The following PIRT variants were observed in gnomAD, a reference collection of about 807,000 sequenced individuals.
The protein encoded by PIRT is phosphoinositide interacting regulator of transient receptor potential channels.
A neutral mutation model predicts 7.9 loss-of-function variants in PIRT; 6 were observed. The ratio of observed to expected loss-of-function variants is 0.76; its 90% CI spans 0.42 to 1.51. The LOEUF (loss-of-function observed/expected upper bound fraction) is 1.51, where lower values mean the gene tolerates loss of function less well. PIRT is among the 40% of genes most tolerant of loss of function. The pLI is 0.01. For missense variants in PIRT, 170 were observed against 172.9 expected, an observed-to-expected ratio of 0.98 and a Z score of 0.09; for synonymous variants, 78 against 71.8, an observed-to-expected ratio of 1.09 and a Z score of -0.44.
intron 1 of PIRT, among the ~76,000 whole-genome samples, chr17:10,830,926 A>G (rs1293938938): frequency 6.6e-6 from 1 of 152,234 alleles, no homozygotes. Context: ...AGATGCCAAC[A>G]GTACCTCTTC....
At position 10,827,472 on chromosome 17, in the gene PIRT, T is replaced by TTC. The variant is rs1206371680; in HGVS notation, c.-138-1690_-138-1689insGA. Among the ~76,000 whole-genome samples, 205 of 116,228 alleles carry TTC rather than the reference T, an allele frequency of 1.8e-3. 3 individuals are homozygous for TTC. Among genetic ancestry groups the TTC allele is most frequent in the African/African-American group, 7.8e-3 (185 of 23,574 alleles). 76.3% of individuals were successfully genotyped at this position (116,228 alleles called of 152,430 possible). On this transcript the variant is annotated intron_variant, in intron 1 of 1. Transcript: ENST00000580256. Reference sequence around the variant, plus strand: ...TTTCTTTCTTTTTCTTTTCTTTTTTTTTTTTTTTTTTTTTTTTTTGAAGTG... The same window carrying TTC: ...TTTCTTTCTTTTTCTTTTCTTTTTTTTCTTTTTTTTTTTTTTTTTTTGAAGTG...
intron 1 of PIRT, among the ~76,000 whole-genome samples, chr17:10,835,057 G>C (rs1206238755): frequency 6.6e-6 from 1 of 152,112 alleles, no homozygotes; most frequent in Admixed American, 6.6e-5. Context: ...CATGGAGGCA[G>C]CTGTGAAGGG....
intron 1 of PIRT, among the ~76,000 whole-genome samples, chr17:10,834,670 C>T (rs1905540279): frequency 6.6e-6 from 1 of 152,168 alleles, no homozygotes; most frequent in African/African-American, 2.4e-5. Context: ...CAGCTCACAG[C>T]AACCTCTGCC....
intron 1 of PIRT, among the ~76,000 whole-genome samples, chr17:10,826,775 G>T (rs117480209): frequency 3.7e-3 from 564 of 152,228 alleles, no homozygotes; most frequent in Non-Finnish European, 6.2e-3. Flanking sequence ...CACGTGCTCT[G>T]TCAGCAGAGG....
chr17:10,835,489 G>T (rs1272781510), intron 1 of PIRT, among the ~76,000 whole-genome samples: 2 of 152,242 alleles, frequency 1.3e-5, no homozygotes, highest in African/African-American at 4.8e-5. Context: ...CAGCCAGCCT[G>T]GCCCAGACTC....
At chr17:10,831,444 T>C (rs1264863339) in intron 1 of PIRT, among the ~76,000 whole-genome samples, 1 of 152,140 alleles carries the variant, frequency 6.6e-6, no homozygotes, top group Non-Finnish European at 1.5e-5. Context: ...GGCATCTTCC[T>C]TCTAAGAGAA....
intron 1 of PIRT, among the ~76,000 whole-genome samples, chr17:10,834,667 C>G (rs1289204885): frequency 6.6e-6 from 1 of 152,156 alleles, no homozygotes; most frequent in African/African-American, 2.4e-5. Flanking sequence ...TCTCAGCTCA[C>G]AGCAACCTCT....
In PIRT at chr17:10,825,238, AG is replaced by A. The variant is rs1271880692; in HGVS notation, c.407del (p.Thr136IlefsTer13). The A allele has an allele frequency of 3.1e-6, 5 of 1,613,428 alleles. No individual in the cohort carries two copies. Among genetic ancestry groups the A allele is most frequent in the Non-Finnish European group, 4.2e-6 (5 of 1,179,442 alleles). ...FLRSLKSFFL[T>X]R ...GGAGATGCGGAAACCACCATCAGCGAGTCAGGAAGAAGGACTTGAGGCTGCG... is the reference window on the plus strand; with the variant it reads ...GGAGATGCGGAAACCACCATCAGCGATCAGGAAGAAGGACTTGAGGCTGCG... On this transcript the variant is annotated frameshift_variant, in exon 2 of 2. Coordinates refer to ENST00000580256, the MANE Select transcript of PIRT (RefSeq NM_001101387.2). LOFTEE classifies it high-confidence loss of function.
intron 1 of PIRT, among the ~76,000 whole-genome samples, chr17:10,831,199 G>T (rs1905455118): frequency 1.3e-5 from 2 of 152,172 alleles, no homozygotes; most frequent in South Asian, 2.1e-4. Context: ...CAGGGGGCTG[G>T]TCCAGTGAGA....
In PIRT at chr17:10,825,596, G is replaced by A; in HGVS notation, c.50C>T (p.Pro17Leu). ...PKVLEVDEKSPEAKDLLPSQT... is the reference protein window; with the variant it reads ...PKVLEVDEKSLEAKDLLPSQT... ...GCTGGGCAGCAGGTCCTTGGCTTCT[G>A]GAGACTTCTCATCGACCTCTAGAAC... The change falls in exon 2 of 2, where the codon CCA becomes CTA. Residue 17 changes from proline to leucine, a missense_variant. Pro to Leu is a moderately conservative substitution (Grantham distance 98, BLOSUM62 -3). Coordinates refer to ENST00000580256, the MANE Select transcript of PIRT (RefSeq NM_001101387.2). 1 of 1,556,092 alleles carries A rather than the reference G, an allele frequency of 6.4e-7. No homozygotes were observed. The highest frequency in any genetic ancestry group is 1.2e-5 in the South Asian group (1 of 83,336).
intron 1 of PIRT, among the ~76,000 whole-genome samples, chr17:10,835,796 C>G (rs1029373200): frequency 6.6e-6 from 1 of 152,212 alleles, no homozygotes; most frequent in Non-Finnish European, 1.5e-5. Context: ...CCACTTTCTT[C>G]GCCTGGGGAG....
intron 1 of PIRT, among the ~76,000 whole-genome samples, chr17:10,833,647 G>A (rs751310969): frequency 6.6e-5 from 10 of 152,140 alleles, no homozygotes; most frequent in South Asian, 4.2e-4. Context: ...CCAGCAACTC[G>A]GGAGGCTGAG....
At position 10,835,127 on chromosome 17, in the gene PIRT, GCTCAC is replaced by G. The variant is rs1905556103; in HGVS notation, c.-139+2813_-139+2817del. On this transcript the variant is annotated intron_variant, in intron 1 of 1. Transcript: ENST00000580256. ...CCTCCATTCTTTGGCCTAAGTGACC[GCTCAC>G]CTCGCCAAGGCAGGCTTCCTTCTGC... Among the ~76,000 whole-genome samples the G allele has an allele frequency of 2.6e-5, 4 of 152,250 alleles. No homozygotes were observed. The South Asian group carries it at 8.3e-4, about 32-fold the overall frequency.
At position 10,825,468 on chromosome 17, in the gene PIRT, A is replaced by G; in HGVS notation, c.178T>C (p.Ser60Pro). ...AAAAGCAGGATGGCACCGCCCACTG[A>G]CATGATAACGATGGGCTTGCGGTAG... is the stretch of plus-strand genomic sequence containing the variant. ...EIYRKPIVIM[S>P]VGGAILLFGV... Residue 60 changes from serine to proline, a missense_variant, in exon 2 of 2, where the codon TCA becomes CCA. Ser to Pro is a moderately conservative substitution (Grantham distance 74). Transcript: ENST00000580256. 6.2e-7 allele frequency: 1 copy of G among 1,613,960 alleles called. No homozygotes were observed. The highest frequency in any genetic ancestry group is 8.5e-7 in the Non-Finnish European group (1 of 1,179,868).
rs1487058180 is a variant in PIRT at position 10,823,355 on chromosome 17, A to G, written c.*1877T>C. The G allele has an allele frequency of 6.6e-6, 1 of 152,282 alleles. No homozygotes were observed. The highest frequency in any genetic ancestry group is 1.5e-5 in the Non-Finnish European group (1 of 68,068). 9.4% of individuals were successfully genotyped at this position (152,282 alleles called of 1,614,324 possible). On this transcript the variant is annotated 3_prime_UTR_variant, in exon 2 of 2. Coordinates refer to ENST00000580256, the MANE Select transcript of PIRT (RefSeq NM_001101387.2). ...CCATCCTGGGTGAGCCTCAACGGCC[A>G]TGAGTTCCCCAAACTCTGACTCCGT... is the stretch of plus-strand genomic sequence containing the variant.
chr17:10,829,961 G>GTCTA (rs1467341610), intron 1 of PIRT, among the ~76,000 whole-genome samples: 1 of 140,352 alleles, frequency 7.1e-6, no homozygotes, highest in South Asian at 2.4e-4. Context: ...GTAGATGTCT[G>GTCTA]TCTGTCTATC....
intron 1 of PIRT, among the ~76,000 whole-genome samples, chr17:10,832,398 G>C (rs1905483488): frequency 6.6e-6 from 1 of 152,100 alleles, no homozygotes; most frequent in Admixed American, 6.5e-5. Context: ...TCTCTATGTT[G>C]GTCAGGCTGG....
intron 1 of PIRT, among the ~76,000 whole-genome samples, chr17:10,826,643 G>A (rs1905321201): frequency 6.6e-6 from 1 of 152,232 alleles, no homozygotes; most frequent in African/African-American, 2.4e-5. Context: ...AAGCTTCAGA[G>A]AGGTGAAGCA....
chr17:10,831,565 G>C (rs1433797018), intron 1 of PIRT, among the ~76,000 whole-genome samples: 1 of 152,112 alleles, frequency 6.6e-6, no homozygotes, highest in East Asian at 1.9e-4. Flanking sequence ...TGGGAGAGAG[G>C]CAAGGAGTGA....
Sources: allele counts gnomAD v4.1 joint callset (sites outside exome capture counted in the v4.1 genomes callset), GRCh38; gene constraint gnomAD v4.1.1; transcripts MANE v1.5; gene names NCBI Gene and HGNC (gene_info 2026-07-23, HGNC 2026-07-21).